Variants in NDUFA10 observed in about 807,000 individuals in gnomAD.
NDUFA10 encodes the protein NADH:ubiquinone oxidoreductase subunit A10.
NDUFA10 carries 40 observed loss-of-function variants against 47.8 expected under a neutral mutation model. The observed-to-expected ratio is 0.84, with a 90% confidence interval of 0.65 to 1.09. NDUFA10 has a LOEUF of 1.09. NDUFA10 is among the 50% of genes least tolerant of loss of function. The pLI, the probability that NDUFA10 is intolerant of heterozygous loss-of-function variation, is 0.00. For missense variants in NDUFA10, 413 were observed against 451.1 expected (o/e 0.92, Z 0.76); for synonymous variants, 183 against 172.2 (o/e 1.06, Z -0.49).
intron 8 of NDUFA10, among the ~76,000 whole-genome samples, chr2:240,002,055 C>A (rs1048435179): frequency 2.6e-5 from 4 of 152,094 alleles, no homozygotes; most frequent in African/African-American, 9.7e-5. Flanking sequence ...GGAAGGCCGG[C>A]GCAGTGGCTC....
chr2:239,955,217 CTT>C (rs1246882274), downstream of NDUFA10, among the ~76,000 whole-genome samples: 1 of 152,130 alleles, frequency 6.6e-6, no homozygotes, highest in African/African-American at 2.4e-5. Context: ...TAAGTCACCT[CTT>C]AACACTGGGG....
At chr2:240,005,546 G>A (rs1696918099) in intron 7 of NDUFA10, among the ~76,000 whole-genome samples, 1 of 151,982 alleles carries the variant, frequency 6.6e-6, no homozygotes, top group African/African-American at 2.4e-5. Context: ...TAGTAGAGAT[G>A]GGGTCTCACC....
intron 9 of NDUFA10, among the ~76,000 whole-genome samples, chr2:239,989,634 C>T (rs1446906448): frequency 6.6e-6 from 1 of 152,258 alleles, no homozygotes; most frequent in Non-Finnish European, 1.5e-5. Flanking sequence ...GTTGCCCCTA[C>T]CAACTTCCAC....
At chr2:239,956,574 G>A (rs549802045), downstream of NDUFA10, among the ~76,000 whole-genome samples, 35 of 152,326 alleles carry the variant, frequency 2.3e-4, no homozygotes, top group Non-Finnish European at 3.2e-4. Context: ...TCCTGGAGTC[G>A]GGACGGCCCA....
At chr2:239,936,917 G>A (rs899478532) in intron 4 of NDUFA10, among the ~76,000 whole-genome samples, 5 of 152,126 alleles carry the variant, frequency 3.3e-5, no homozygotes, top group African/African-American at 4.8e-5. Flanking sequence ...CCACAGTCGC[G>A]CCACTGGACT....
chr2:239,895,014 C>T (rs1223049775), intron 5 of NDUFA10, among the ~76,000 whole-genome samples: 4 of 152,160 alleles, frequency 2.6e-5, no homozygotes, highest in Admixed American at 2.6e-4. Context: ...ACCAGAAACC[C>T]AGAACCCAGT....
Position 239,960,037 on chromosome 2 carries a change from CA to C in NDUFA10, c.*1080del, listed in dbSNP as rs1436552256. 2 of 984,644 alleles carry C rather than the reference CA, an allele frequency of 2.0e-6. No individual in the cohort carries two copies. Among genetic ancestry groups the C allele is most frequent in the African/African-American group, 3.5e-5 (2 of 57,238 alleles). The allele number at this position is 984,644 out of a possible 1,614,324, so 61.0% of individuals were successfully genotyped here. A position where few individuals can be genotyped will look rare whatever the true frequency, so the allele number is the denominator to read the frequency against. On this transcript the variant is annotated 3_prime_UTR_variant, in exon 10 of 10. Transcript: ENST00000252711. ...CTATGGCCAGTGCAACCAAGGAACCCAATTTTAAACTCTATTACATTTTAGC... is the reference window on the plus strand; with the variant it reads ...CTATGGCCAGTGCAACCAAGGAACCCATTTTAAACTCTATTACATTTTAGC...
At position 240,002,204 on chromosome 2, in the gene NDUFA10, GCC is replaced by G. The variant is rs1273385559; in HGVS notation, c.890+3004_890+3005del. On this transcript the variant is annotated intron_variant, in intron 8 of 9. Transcript: ENST00000252711. ...AAATTAGCCGGGTATAGTGGTGCAT[GCC>G]TATAATCCCATCTACTCAGGAGGCT... Among the ~76,000 whole-genome samples the G allele has an allele frequency of 7.2e-5, 11 of 151,944 alleles. No individual in the cohort carries two copies. In the South Asian group the frequency reaches 8.3e-4, roughly 11 times the overall value.
rs776939095 is a variant in NDUFA10, at chr2:240,014,831, C to T, written c.577G>A (p.Val193Ile). The T allele has an allele frequency of 2.3e-5, 37 of 1,614,080 alleles. No homozygotes were observed. Among genetic ancestry groups the T allele is most frequent in the African/African-American group, 1.1e-4 (8 of 75,052 alleles). The change falls in exon 5 of 10, where the codon GTC becomes ATC. Residue 193 changes from valine (V) to isoleucine (I), a missense_variant. Physicochemically the swap from Val to Ile is conservative, Grantham distance 29 (BLOSUM62 3). Coordinates refer to ENST00000252711, the MANE Select transcript of NDUFA10 (RefSeq NM_004544.4). ...GGGGGCAGGTAATCGCAGATGGTGA[C>T]GCTCTTCACCTCGTTGTAGTGGTCC... is the stretch of plus-strand genomic sequence containing the variant. ...CVDHYNEVKS[V>I]TICDYLPPHL... is the part of the protein sequence containing the mutation.
At chr2:240,021,174 C>T in intron 3 of NDUFA10, 23 bp downstream of exon 3, 1 of 1,599,088 alleles carries the variant, frequency 6.3e-7, no homozygotes, top group Non-Finnish European at 8.6e-7. Context: ...CAGAACAGAT[C>T]TAACTGCCCA....
intron 4 of NDUFA10, among the ~76,000 whole-genome samples, chr2:239,948,615 G>A (rs1694497140): frequency 6.6e-6 from 1 of 152,250 alleles, no homozygotes; most frequent in African/African-American, 2.4e-5. Context: ...ATACACGTCG[G>A]TGGGACCCGG....
chr2:239,965,537 TC>T (rs1281734578), intron 9 of NDUFA10, among the ~76,000 whole-genome samples: 1 of 152,164 alleles, frequency 6.6e-6, no homozygotes, highest in Non-Finnish European at 1.5e-5. Context: ...GCAACGGGCC[TC>T]GTCAGACCTT....
Position 239,967,977 on chromosome 2 carries a change from T to TACACACACACACACAC in NDUFA10, c.1000-6792_1000-6791insGTGTGTGTGTGTGTGT, listed in dbSNP as rs1380084722. The stretch of plus-strand genomic sequence containing the variant: ...CACAGAAATCAGTCAAGGAAAAAAA[T>TACACACACACACACAC]ATACACACACACACACACACACACA... On this transcript the variant is annotated intron_variant, in intron 9 of 9. Transcript: ENST00000252711. Among the ~76,000 whole-genome samples, 417 of 139,608 alleles carry TACACACACACACACAC rather than the reference T, an allele frequency of 3.0e-3. 6 individuals are homozygous for TACACACACACACACAC. Among genetic ancestry groups the TACACACACACACACAC allele is most frequent in the African/African-American group, 9.0e-3 (324 of 36,076 alleles). 91.6% of individuals were successfully genotyped at this position (139,608 alleles called of 152,430 possible). A position where few individuals can be genotyped will look rare whatever the true frequency, so the allele number is the denominator to read the frequency against.
intron 4 of NDUFA10, among the ~76,000 whole-genome samples, chr2:239,907,002 C>G (rs967957337): frequency 2.0e-5 from 3 of 152,208 alleles, no homozygotes; most frequent in Non-Finnish European, 4.4e-5. Context: ...TACCTGACTT[C>G]AAACTATACT....
chr2:239,915,875 A>G (rs1458525628), intron 4 of NDUFA10, among the ~76,000 whole-genome samples: 2 of 151,918 alleles, frequency 1.3e-5, no homozygotes, highest in East Asian at 3.9e-4. Flanking sequence ...AAATATACAG[A>G]CACACACAGA....
chr2:239,924,815 C>G (rs115878688), intron 4 of NDUFA10, among the ~76,000 whole-genome samples: 4 of 152,142 alleles, frequency 2.6e-5, no homozygotes, highest in Non-Finnish European at 4.4e-5. Context: ...ATTATCTCCC[C>G]TCAATTATTT....
chr2:239,917,629 T>C (rs958413448), intron 4 of NDUFA10, among the ~76,000 whole-genome samples: 5 of 152,234 alleles, frequency 3.3e-5, no homozygotes, highest in Non-Finnish European at 7.3e-5. Flanking sequence ...GTTATGAACC[T>C]GTCACAATTT....
At chr2:239,933,993 G>A (rs1388898669) in intron 4 of NDUFA10, among the ~76,000 whole-genome samples, 1 of 152,126 alleles carries the variant, frequency 6.6e-6, no homozygotes, top group East Asian at 1.9e-4. Flanking sequence ...GAGTAGCTGG[G>A]ACTACAGGTG....
In NDUFA10 at chr2:239,987,858, G is replaced by A. The variant is rs1197343795; in HGVS notation, c.999+2216C>T. Among the ~76,000 whole-genome samples, 1 of 152,064 alleles carries A rather than the reference G, an allele frequency of 6.6e-6. No individual in the cohort carries two copies. On this transcript the variant is annotated intron_variant, in intron 9 of 9. Coordinates refer to ENST00000252711, the MANE Select transcript of NDUFA10 (RefSeq NM_004544.4). This position sits in a 1 kb window ranked among gnomAD's most constrained non-coding sequence, Gnocchi z 4.8. ...AACATGCGAGTGGGTACTCTGCTCTGGAACTGGAAAGCTAATTGATCTTCA... is the reference window on the plus strand; with the variant it reads ...AACATGCGAGTGGGTACTCTGCTCTAGAACTGGAAAGCTAATTGATCTTCA...
Sources: gnomAD v4.1 joint callset for allele counts (sites outside exome capture counted in the v4.1 genomes callset) on GRCh38, gnomAD v4.1.1 for gene constraint, Gnocchi (gnomAD v3.1) non-coding constraint, MANE v1.5 for transcripts, NCBI Gene and HGNC (gene_info 2026-07-23, HGNC 2026-07-21) for gene names.